ARMC2: variants seen among roughly 807,000 people sequenced by gnomAD.
ARMC2 encodes armadillo repeat-containing protein 2.
ARMC2 carries 67 observed loss-of-function variants against 90.3 expected under a neutral mutation model. The observed-to-expected ratio is 0.74, with a 90% confidence interval of 0.61 to 0.91. The LOEUF (loss-of-function observed/expected upper bound fraction) is 0.91, where lower values mean the gene tolerates loss of function less well. Among genes scored for constraint, ARMC2 ranks in the 40% least tolerant of loss-of-function variants. The pLI is 0.00. For missense variants in ARMC2, 920 were observed against 1,030.9 expected (o/e 0.89, Z 1.47); for synonymous variants, 393 against 393.0 (o/e 1.00, Z 0.00).
intron 3 of ARMC2, among the ~76,000 whole-genome samples, chr6:108,864,221 G>C (rs981113753): frequency 1.3e-5 from 2 of 151,536 alleles, no homozygotes; most frequent in Non-Finnish European, 2.9e-5. Context: ...GCGTCACAAA[G>C]GTTCTGTGCT....
chr6:109,008,140 A>G, the ARMC2 span, among the ~76,000 whole-genome samples: 2 of 152,196 alleles, frequency 1.3e-5, no homozygotes, highest in African/African-American at 4.8e-5. Context: ...CTATTTCTTT[A>G]TCTTTTAGTT....
intron 4 of ARMC2, among the ~76,000 whole-genome samples, chr6:108,871,756 T>C (rs1776439231): frequency 6.6e-6 from 1 of 152,118 alleles, no homozygotes; most frequent in Non-Finnish European, 1.5e-5. Context: ...GCCTGTTGTC[T>C]GCATGCTCTG....
chr6:109,029,021 C>T, the ARMC2 span, among the ~76,000 whole-genome samples: 3 of 152,126 alleles, frequency 2.0e-5, no homozygotes, highest in African/African-American at 7.2e-5. Flanking sequence ...GTATAAAATT[C>T]TTATAGCTTC....
At chr6:109,046,363 A>T in the ARMC2 span, among the ~76,000 whole-genome samples, 27 of 151,708 alleles carry the variant, frequency 1.8e-4, no homozygotes, top group African/African-American at 6.1e-4. Context: ...GGGATTGCAG[A>T]CGGAGTCTCG....
intron 17 of ARMC2, among the ~76,000 whole-genome samples, chr6:108,969,586 G>A (rs1032332631): frequency 6.6e-5 from 10 of 152,050 alleles, no homozygotes; most frequent in African/African-American, 2.4e-4. Context: ...AAATGAAGTA[G>A]CAAAGAAAGA....
At chr6:108,996,157 T>C in the ARMC2 span, among the ~76,000 whole-genome samples, 1 of 152,228 alleles carries the variant, frequency 6.6e-6, no homozygotes, top group African/African-American at 2.4e-5. Context: ...TGGTACATAG[T>C]AGATATTCAA....
the ARMC2 span, chr6:108,987,256 G>A: frequency 3.5e-6 from 1 of 289,382 alleles, no homozygotes; most frequent in Non-Finnish European, 6.4e-6. Flanking sequence ...AGGATTTGGA[G>A]AGTTACTATT....
chr6:108,933,685 A>G (rs1200105808), intron 11 of ARMC2, among the ~76,000 whole-genome samples: 1 of 152,140 alleles, frequency 6.6e-6, no homozygotes, highest in Non-Finnish European at 1.5e-5. Context: ...TGCTCTGGCT[A>G]GGACTTCCAA....
At chr6:108,961,928 C>A in intron 14 of ARMC2, 86 bp from the exon 15 acceptor site, 1 of 1,012,326 alleles carries the variant, frequency 9.9e-7, no homozygotes, top group Non-Finnish European at 1.4e-6. Flanking sequence ...TGAAAATCAT[C>A]AGTATTAAGT....
the ARMC2 span, among the ~76,000 whole-genome samples, chr6:108,984,962 G>T: frequency 6.6e-6 from 1 of 152,214 alleles, no homozygotes; most frequent in South Asian, 2.1e-4. Context: ...TTAACTCAGC[G>T]TCTCTGGGAG....
the ARMC2 span, among the ~76,000 whole-genome samples, chr6:109,009,743 C>G: frequency 6.6e-6 from 1 of 152,082 alleles, no homozygotes; most frequent in Non-Finnish European, 1.5e-5. Context: ...GGCCCAGGTT[C>G]CCCACGAACA....
At chr6:109,039,103 GAGAAGGAGAAGGA>G in the ARMC2 span, among the ~76,000 whole-genome samples, 1 of 149,104 alleles carries the variant, frequency 6.7e-6, no homozygotes, top group African/African-American at 2.5e-5. Flanking sequence ...AAGGAGGGAG[GAGAAGGAGAAGGA>G]AGGAGGAGAA....
At chr6:108,982,719 T>C in the ARMC2 span, among the ~76,000 whole-genome samples, 3 of 152,184 alleles carry the variant, frequency 2.0e-5, no homozygotes, top group Non-Finnish European at 4.4e-5. Flanking sequence ...TTTTTTATAA[T>C]TAGTCAGGCT....
the ARMC2 span, chr6:108,992,769 T>G: frequency 6.8e-6 from 10 of 1,467,462 alleles, no homozygotes; most frequent in African/African-American, 1.4e-4. Context: ...ATCATGTGCA[T>G]ACAAGTTGCA....
At chr6:108,911,433 A>T (rs1036191128) in intron 9 of ARMC2, among the ~76,000 whole-genome samples, 6 of 152,188 alleles carry the variant, frequency 3.9e-5, no homozygotes, top group African/African-American at 1.2e-4. Context: ...AGGAAGTTTT[A>T]TTATACCTTA....
chr6:108,880,795 T>C (rs200194347), intron 5 of ARMC2, among the ~76,000 whole-genome samples: 1 of 114,678 alleles, frequency 8.7e-6, no homozygotes, highest in South Asian at 3.2e-4. Flanking sequence ...TTCCTTCCTC[T>C]CTCTTTCTTT....
At chr6:108,858,370 A>G (rs1299824526) in intron 3 of ARMC2, 99 bp downstream of exon 3, 2 of 796,000 alleles carry the variant, frequency 2.5e-6, no homozygotes, top group Non-Finnish European at 4.0e-6. Context: ...TATGATAATT[A>G]TCATGTACAC....
At chr6:109,030,986 G>A in the ARMC2 span, among the ~76,000 whole-genome samples, 2 of 152,168 alleles carry the variant, frequency 1.3e-5, no homozygotes, top group Non-Finnish European at 2.9e-5. Flanking sequence ...TTACAATCCA[G>A]TTGATCATAA....
At chr6:108,932,047 G>C (rs972165544) in intron 11 of ARMC2, among the ~76,000 whole-genome samples, 4 of 151,980 alleles carry the variant, frequency 2.6e-5, no homozygotes, top group African/African-American at 9.7e-5. Flanking sequence ...TTATAGGCGT[G>C]AGCCACCGCA....
Sources: gnomAD v4.1 joint callset for allele counts (sites outside exome capture counted in the v4.1 genomes callset) on GRCh38, gnomAD v4.1.1 for gene constraint, MANE v1.5 for transcripts, NCBI Gene and HGNC (gene_info 2026-07-23, HGNC 2026-07-21) for gene names.